The following BNC2 variants were observed in gnomAD, a reference collection of about 807,000 sequenced individuals.
The protein encoded by BNC2 is basonuclin zinc finger protein 2.
Under a neutral mutation model 76.3 loss-of-function variants are expected in BNC2, and 20 were observed. The observed-to-expected ratio is 0.26, with a 90% CI of 0.18 to 0.38. BNC2 has a LOEUF of 0.38. Among genes scored for constraint, BNC2 ranks in the 10% least tolerant of loss-of-function variants. BNC2 has a pLI of 1.00. For synonymous variants in BNC2, 582 were observed against 514.8 expected (o/e 1.13, Z -1.77); for missense variants, 1,382 against 1,399.8 (o/e 0.99, Z 0.20).
At chr9:16,533,371 A>C (rs948111929) in intron 5 of BNC2, among the ~76,000 whole-genome samples, 1 of 152,236 alleles carries the variant, frequency 6.6e-6, no homozygotes, top group Admixed American at 6.5e-5. Context: ...ATGAGATTCT[A>C]GCCATTACAA....
At chr9:16,576,121 C>T (rs1819478356) in intron 4 of BNC2, among the ~76,000 whole-genome samples, 1 of 152,176 alleles carries the variant, frequency 6.6e-6, no homozygotes, top group Non-Finnish European at 1.5e-5. Flanking sequence ...CAAATTAGTG[C>T]CTGTGCTACT....
At chr9:16,663,130 CTTT>C (rs71325979) in intron 3 of BNC2, among the ~76,000 whole-genome samples, 4 of 99,606 alleles carry the variant, frequency 4.0e-5, no homozygotes, top group Admixed American at 1.1e-4. Context: ...TCTGTTTACT[CTTT>C]TTTTTTTTTT....
At chr9:16,690,565 T>A (rs1823127403) in intron 3 of BNC2, among the ~76,000 whole-genome samples, 1 of 152,182 alleles carries the variant, frequency 6.6e-6, no homozygotes. Context: ...ACACAGTACT[T>A]ATCCATTTTC....
chr9:16,418,720 AG>A lies in BNC2; in HGVS notation c.*268del, dbSNP rs1224889449. 14 of 434,008 alleles carry A rather than the reference AG, an allele frequency of 3.2e-5. 1 individual carries two copies. Among genetic ancestry groups the A allele is most frequent in the Non-Finnish European group, 4.7e-5 (11 of 236,264 alleles). 26.9% of individuals were successfully genotyped at this position (434,008 alleles called of 1,614,324 possible). ...TGCATGTGTGTGTGTGTGTGTTTAA[AG>A]GGGTACTCTGTTTTCACCCTGAAAT... On this transcript the variant is annotated 3_prime_UTR_variant, in exon 7 of 7. Transcript: ENST00000380672.
chr9:16,549,381 C>T (rs1818589541), intron 5 of BNC2, among the ~76,000 whole-genome samples: 3 of 152,198 alleles, frequency 2.0e-5, no homozygotes. Flanking sequence ...AATTATTCTC[C>T]TTTAACTGAC....
intron 3 of BNC2, among the ~76,000 whole-genome samples, chr9:16,667,080 T>TACACACACACAC (rs139744564): frequency 7.0e-6 from 1 of 142,412 alleles, no homozygotes; most frequent in East Asian, 2.0e-4. Context: ...CAGATACACA[T>TACACACACACAC]ACACACACAC....
At chr9:16,833,754 G>T (rs1445753253) in intron 1 of BNC2, among the ~76,000 whole-genome samples, 2 of 152,168 alleles carry the variant, frequency 1.3e-5, no homozygotes, top group African/African-American at 4.8e-5. Flanking sequence ...AGCCCTTCAA[G>T]AAAATCATGT....
intron 3 of BNC2, among the ~76,000 whole-genome samples, chr9:16,722,877 A>G (rs927866210): frequency 2.0e-5 from 3 of 152,220 alleles, no homozygotes; most frequent in African/African-American, 4.8e-5. Context: ...AGACCTTCAA[A>G]GTTTAGGACA....
chr9:16,518,950 GTT>G (rs1352823239), intron 5 of BNC2, among the ~76,000 whole-genome samples: 1 of 152,174 alleles, frequency 6.6e-6, no homozygotes, highest in South Asian at 2.1e-4. Context: ...TTATCATATA[GTT>G]TGGTGAGTCA....
intron 1 of BNC2, among the ~76,000 whole-genome samples, chr9:16,841,527 C>G (rs566368994): frequency 2.3e-5 from 1 of 42,782 alleles, no homozygotes; most frequent in Admixed American, 3.6e-4. Flanking sequence ...ATCATATCAT[C>G]AAAAGCTAAT....
At chr9:16,700,942 T>C (rs937502706) in intron 3 of BNC2, among the ~76,000 whole-genome samples, 2 of 152,078 alleles carry the variant, frequency 1.3e-5, no homozygotes, top group African/African-American at 4.8e-5. Flanking sequence ...AATAAATAAA[T>C]AAATAATAAA....
rs1382161679 is a variant in BNC2 at position 16,435,963 on chromosome 9, A to G, written c.2231T>C (p.Ile744Thr). Residue 744 changes from isoleucine (I) to threonine (T), a missense_variant, in exon 6 of 7, where the codon ATT (isoleucine) becomes ACT (threonine). Ile to Thr is a moderately conservative substitution (Grantham distance 89). Coordinates refer to ENST00000380672, the MANE Select transcript of BNC2 (RefSeq NM_017637.6). ...GEESMEGDEH[I>T]HSEVSEKVLM... ...GACTTTTTCACTCACTTCGCTGTGA[A>G]TGTGCTCATCCCCTTCCATGGATTC... 1 of 1,614,126 alleles carries G rather than the reference A, an allele frequency of 6.2e-7. No individual in the cohort carries two copies. Among genetic ancestry groups the G allele is most frequent in the Admixed American group, 1.7e-5 (1 of 60,014 alleles).
chr9:16,700,307 G>C (rs1823471442), intron 3 of BNC2, among the ~76,000 whole-genome samples: 1 of 152,156 alleles, frequency 6.6e-6, no homozygotes, highest in African/African-American at 2.4e-5. Context: ...CCAGCGCTTT[G>C]GGAAGCCGAG....
chr9:16,802,903 T>A (rs1432704752), intron 1 of BNC2, among the ~76,000 whole-genome samples: 1 of 152,198 alleles, frequency 6.6e-6, no homozygotes, highest in African/African-American at 2.4e-5. Context: ...ACACGCAACT[T>A]TGTACTACTT....
chr9:16,706,973 C>T (rs7044816), intron 3 of BNC2, among the ~76,000 whole-genome samples: 109,513 of 152,120 alleles, frequency 0.72, 41,608 homozygotes, highest in Non-Finnish European at 0.86. Flanking sequence ...GAGGCCGAGA[C>T]GGGCGGATCA....
At chr9:16,863,366 T>C (rs62541919) in intron 1 of BNC2, among the ~76,000 whole-genome samples, 65,161 of 152,114 alleles carry the variant, frequency 0.43, 16,528 homozygotes, top group Non-Finnish European at 0.59. Context: ...ACTTAGCCCA[T>C]ACTTTCACAA....
intron 6 of BNC2, chr9:16,421,323 A>G (rs761781315): frequency 6.3e-6 from 8 of 1,264,346 alleles, no homozygotes; most frequent in East Asian, 5.6e-5. Flanking sequence ...GAAAGCAAGA[A>G]TAAGAGACAG....
intron 3 of BNC2, among the ~76,000 whole-genome samples, chr9:16,713,271 C>G (rs1482963032): frequency 6.6e-6 from 1 of 152,014 alleles, no homozygotes; most frequent in Non-Finnish European, 1.5e-5. Context: ...AGTCATAGAC[C>G]TTTCAACAAA....
chr9:16,751,649 T>C (rs1563926934), intron 1 of BNC2, among the ~76,000 whole-genome samples: 1 of 97,184 alleles, frequency 1.0e-5, no homozygotes, highest in South Asian at 3.4e-4. Flanking sequence ...TATGTATGTG[T>C]GTATATATAT....
Sources: gnomAD v4.1 joint callset for allele counts (sites outside exome capture counted in the v4.1 genomes callset) on GRCh38, gnomAD v4.1.1 for gene constraint, MANE v1.5 for transcripts, NCBI Gene and HGNC (gene_info 2026-07-23, HGNC 2026-07-21) for gene names.